The following ERAP1 variants were observed in gnomAD, a reference collection of about 807,000 sequenced individuals.
ERAP1 encodes endoplasmic reticulum aminopeptidase 1.
A neutral mutation model predicts 103.7 loss-of-function variants in ERAP1; 86 were observed. The ratio of observed to expected loss-of-function variants is 0.83; its 90% CI spans 0.70 to 0.99. The LOEUF (loss-of-function observed/expected upper bound fraction) is 0.99. Among genes scored for constraint, ERAP1 ranks in the 50% least tolerant of loss-of-function variants. The pLI, the probability that ERAP1 is intolerant of heterozygous loss-of-function variation, is 0.00. For synonymous variants in ERAP1, 398 were observed against 402.4 expected, an observed-to-expected ratio of 0.99 and a Z score of 0.13; for missense variants, 1,009 against 1,128.4, an observed-to-expected ratio of 0.89 and a Z score of 1.52.
chr5:96,896,857 G>C, the ERAP1 span: 1 of 984,392 alleles, frequency 1.0e-6, no homozygotes, highest in Non-Finnish European at 1.3e-6. Context: ...GGAGCAGTCT[G>C]TCAAATGTAA....
chr5:96,881,483 A>C, the ERAP1 span: 30 of 456,078 alleles, frequency 6.6e-5, no homozygotes, highest in Non-Finnish European at 3.1e-5. Context: ...TCTGGGAGGT[A>C]AGAGGAGTCT....
chr5:96,879,070 G>C, the ERAP1 span, among the ~76,000 whole-genome samples: 1 of 152,022 alleles, frequency 6.6e-6, no homozygotes, highest in Non-Finnish European at 1.5e-5. Context: ...TACAAAAAAG[G>C]TAGCCGAGTG....
the ERAP1 span, among the ~76,000 whole-genome samples, chr5:96,925,543 G>A: frequency 6.6e-6 from 1 of 152,196 alleles, no homozygotes; most frequent in East Asian, 1.9e-4. Context: ...GACCACCTGT[G>A]TCACAATCAC....
chr5:96,833,805 AAG>A, the ERAP1 span, among the ~76,000 whole-genome samples: 2 of 151,856 alleles, frequency 1.3e-5, no homozygotes, highest in Non-Finnish European at 2.9e-5. Context: ...AAAAAAAAAA[AAG>A]AAAAGAAAAA....
rs1205721150 is a variant in ERAP1 at position 96,790,395 on chromosome 5, C to T, written c.1453-28G>A. On this transcript the variant is annotated intron_variant, in intron 9 of 18. Transcript: ENST00000443439. Reference sequence around the variant, plus strand: ...AAAAACCAAAAATAAACACATCACTCTTATTTCTATAGAAAACAATGATTC... The same window carrying T: ...AAAAACCAAAAATAAACACATCACTTTTATTTCTATAGAAAACAATGATTC... 7 of 1,611,352 alleles carry T rather than the reference C, an allele frequency of 4.3e-6. No individual in the cohort carries two copies. The East Asian group carries it at 1.6e-4, about 36-fold the overall frequency.
intron 18 of ERAP1, among the ~76,000 whole-genome samples, chr5:96,777,301 C>A (rs1774475124): frequency 6.6e-6 from 1 of 152,142 alleles, no homozygotes; most frequent in South Asian, 2.1e-4. Flanking sequence ...TTATCCTTTT[C>A]CCATAAATTT....
chr5:96,833,451 G>A, the ERAP1 span, among the ~76,000 whole-genome samples: 2 of 152,102 alleles, frequency 1.3e-5, no homozygotes, highest in African/African-American at 4.8e-5. Flanking sequence ...TGGTTATATT[G>A]GTGATCAAAA....
intron 3 of ERAP1, among the ~76,000 whole-genome samples, chr5:96,798,789 C>G (rs79637013): frequency 9.2e-5 from 14 of 151,900 alleles, no homozygotes; most frequent in Non-Finnish European, 1.8e-4. Context: ...TGCTACCCAG[C>G]CTAGGATTAC....
intron 15 of ERAP1, among the ~76,000 whole-genome samples, chr5:96,782,135 C>T (rs146592551): frequency 0.092 from 13,945 of 151,770 alleles, 847 homozygotes; most frequent in Middle Eastern, 0.17. Context: ...CTCAGCCTCC[C>T]GAGTAGCTGG....
the ERAP1 span, among the ~76,000 whole-genome samples, chr5:96,926,366 G>C: frequency 6.6e-6 from 1 of 152,084 alleles, no homozygotes; most frequent in Non-Finnish European, 1.5e-5. Flanking sequence ...ATGGTTTTTA[G>C]TATAGTCACA....
chr5:96,838,009 T>C, the ERAP1 span, among the ~76,000 whole-genome samples: 7 of 151,426 alleles, frequency 4.6e-5, no homozygotes, highest in African/African-American at 1.7e-4. Context: ...CTCCTCTTCT[T>C]CTCTCTCTGC....
At chr5:96,848,661 G>A in the ERAP1 span, 1 of 152,102 alleles carries the variant, frequency 6.6e-6, no homozygotes, top group Non-Finnish European at 1.5e-5. Flanking sequence ...ATCAAAGAAA[G>A]ACCTAGGACG....
chr5:96,852,810 T>A, the ERAP1 span, among the ~76,000 whole-genome samples: 1 of 152,200 alleles, frequency 6.6e-6, no homozygotes, highest in Non-Finnish European at 1.5e-5. Flanking sequence ...CGTTGATGAA[T>A]ATATTCATTT....
chr5:96,771,367 A>G (rs577675969), downstream of ERAP1, among the ~76,000 whole-genome samples: 18 of 152,298 alleles, frequency 1.2e-4, no homozygotes, highest in African/African-American at 4.1e-4. Context: ...TTGCCATTTA[A>G]GAACACCTAT....
At chr5:96,833,729 C>T in the ERAP1 span, among the ~76,000 whole-genome samples, 15 of 150,030 alleles carry the variant, frequency 1.0e-4, no homozygotes, top group Non-Finnish European at 1.9e-4. Context: ...ACCCGGGAGG[C>T]GGAGGTTGCA....
the ERAP1 span, among the ~76,000 whole-genome samples, chr5:96,830,195 A>G: frequency 6.6e-6 from 1 of 152,216 alleles, no homozygotes; most frequent in African/African-American, 2.4e-5. Flanking sequence ...TAGCCTATGT[A>G]CAGACTGCAG....
At chr5:96,764,680 A>G (rs1316721539) in intron 19 of ERAP1, among the ~76,000 whole-genome samples, 1 of 152,174 alleles carries the variant, frequency 6.6e-6, no homozygotes, top group African/African-American at 2.4e-5. Flanking sequence ...GTCACGCTGC[A>G]CTTTCTGAAA....
At chr5:96,823,384 A>G in the ERAP1 span, among the ~76,000 whole-genome samples, 1 of 152,098 alleles carries the variant, frequency 6.6e-6, no homozygotes, top group Non-Finnish European at 1.5e-5. Context: ...TCTACTTTTC[A>G]CCATTTCCAC....
intron 19 of ERAP1, among the ~76,000 whole-genome samples, chr5:96,763,756 T>A (rs1217457466): frequency 6.6e-6 from 1 of 152,214 alleles, no homozygotes; most frequent in Non-Finnish European, 1.5e-5. Context: ...CAGTGTTACA[T>A]ACACTGAAAG....
Sources: allele counts gnomAD v4.1 joint callset (sites outside exome capture counted in the v4.1 genomes callset), GRCh38; gene constraint gnomAD v4.1.1; transcripts MANE v1.5; gene names NCBI Gene and HGNC (gene_info 2026-07-23, HGNC 2026-07-21).